FGGY: variants seen among roughly 807,000 people sequenced by gnomAD.
FGGY encodes FGGY carbohydrate kinase domain containing.
In FGGY, 72 loss-of-function variants were observed where a neutral mutation model predicts 71.3. The observed-to-expected ratio is 1.01, with a 90% CI of 0.84 to 1.23. The LOEUF (loss-of-function observed/expected upper bound fraction) is 1.23. Among genes scored for constraint, FGGY ranks in the 50% most tolerant of loss-of-function variants. FGGY has a pLI of 0.00. For missense variants in FGGY, 668 were observed against 682.3 expected, an observed-to-expected ratio of 0.98 and a Z score of 0.23; for synonymous variants, 251 against 250.3, an observed-to-expected ratio of 1.00 and a Z score of -0.02.
At chr1:59,743,056 C>G (rs1290968466) in intron 14 of FGGY, among the ~76,000 whole-genome samples, 4 of 152,312 alleles carry the variant, frequency 2.6e-5, no homozygotes, top group East Asian at 3.9e-4. Flanking sequence ...AACCTTTTAA[C>G]ATGATTTACA....
Position 59,518,295 on chromosome 1 carries a change from A to G in FGGY, c.799+5856A>G, listed in dbSNP as rs188648802. On this transcript the variant is annotated intron_variant, in intron 7 of 15. Coordinates refer to ENST00000303721, the MANE Select transcript of FGGY (RefSeq NM_018291.5). Reference sequence around the variant, plus strand: ...GCCAATAACATTTCTCACCATTATCAGTGTTCTAGAAGACAGGATAAAGGC... The same window carrying G: ...GCCAATAACATTTCTCACCATTATCGGTGTTCTAGAAGACAGGATAAAGGC... 1.7e-3 allele frequency among the ~76,000 whole-genome samples: 258 copies of G among 152,358 alleles called. 4 individuals are homozygous for G. The highest frequency in any genetic ancestry group is 6.0e-3 in the African/African-American group (250 of 41,578).
At chr1:59,732,360 C>A (rs968110258) in intron 14 of FGGY, among the ~76,000 whole-genome samples, 1 of 152,198 alleles carries the variant, frequency 6.6e-6, no homozygotes, top group Non-Finnish European at 1.5e-5. Flanking sequence ...TTACCACCCC[C>A]CTTCCTATTT....
At chr1:59,758,392 C>G (rs1411957334) in intron 15 of FGGY, among the ~76,000 whole-genome samples, 1 of 152,194 alleles carries the variant, frequency 6.6e-6, no homozygotes, top group Non-Finnish European at 1.5e-5. Flanking sequence ...AATCCCAATT[C>G]AACAAAATAT....
intron 2 of FGGY, among the ~76,000 whole-genome samples, chr1:59,339,374 G>A (rs1308842132): frequency 6.6e-6 from 1 of 151,722 alleles, no homozygotes; most frequent in East Asian, 1.9e-4. Flanking sequence ...ATTGGAGGTG[G>A]GAATCTTCTC....
At chr1:59,565,353 C>T (rs989095090) in intron 8 of FGGY, among the ~76,000 whole-genome samples, 3 of 152,050 alleles carry the variant, frequency 2.0e-5, no homozygotes, top group South Asian at 2.1e-4. Flanking sequence ...TGCGCCATCT[C>T]GGCTCACTGC....
At chr1:59,382,221 G>A (rs2059550298) in intron 5 of FGGY, among the ~76,000 whole-genome samples, 2 of 152,086 alleles carry the variant, frequency 1.3e-5, no homozygotes, top group African/African-American at 2.4e-5. Flanking sequence ...CAAGGGAAGC[G>A]GGAAATAGCA....
chr1:59,649,790 G>T (rs1343626170), intron 11 of FGGY, among the ~76,000 whole-genome samples: 1 of 142,524 alleles, frequency 7.0e-6, no homozygotes, highest in Non-Finnish European at 1.5e-5. Context: ...ACACTGTGTT[G>T]AATAGGAGTG....
intron 14 of FGGY, among the ~76,000 whole-genome samples, chr1:59,709,423 A>T (rs1158942746): frequency 2.0e-5 from 3 of 151,344 alleles, no homozygotes; most frequent in Non-Finnish European, 4.4e-5. Flanking sequence ...TGGGGATTAC[A>T]ATTTGAGATG....
intron 2 of FGGY, among the ~76,000 whole-genome samples, chr1:59,336,436 G>C (rs1472948169): frequency 6.7e-6 from 1 of 148,806 alleles, no homozygotes; most frequent in Non-Finnish European, 1.5e-5. Context: ...AATTTTGTCA[G>C]TTTCTACAAA....
intron 12 of FGGY, among the ~76,000 whole-genome samples, chr1:59,663,427 T>C (rs1409015483): frequency 6.6e-6 from 1 of 152,198 alleles, no homozygotes; most frequent in Non-Finnish European, 1.5e-5. Flanking sequence ...GCCAGGATTG[T>C]CTCACAGAGG....
At chr1:59,428,651 T>C (rs1416788) in intron 5 of FGGY, among the ~76,000 whole-genome samples, 95,919 of 152,082 alleles carry the variant, frequency 0.63, 30,390 homozygotes, top group African/African-American at 0.68. Flanking sequence ...GAAATGGGGC[T>C]ATAGCTTTTA....
chr1:59,685,575 T>A (rs1012033780), intron 14 of FGGY, among the ~76,000 whole-genome samples: 1 of 152,174 alleles, frequency 6.6e-6, no homozygotes. Flanking sequence ...ACAAGGTGAT[T>A]TGATTCTGTA....
intron 8 of FGGY, among the ~76,000 whole-genome samples, chr1:59,595,534 C>CA (rs1474923374): frequency 9.9e-5 from 15 of 151,892 alleles, no homozygotes; most frequent in Non-Finnish European, 1.5e-4. Context: ...ACTGAAAATA[C>CA]AAAAAATTAG....
At chr1:59,369,304 T>A (rs2057152575) in intron 4 of FGGY, among the ~76,000 whole-genome samples, 1 of 152,170 alleles carries the variant, frequency 6.6e-6, no homozygotes, top group Non-Finnish European at 1.5e-5. Context: ...GGAGTCTCGC[T>A]GATTGCTAGC....
At chr1:59,746,296 G>A (rs1017381983) in intron 14 of FGGY, among the ~76,000 whole-genome samples, 3 of 152,168 alleles carry the variant, frequency 2.0e-5, no homozygotes, top group African/African-American at 7.2e-5. Flanking sequence ...AAATGATAAT[G>A]AGGAGGCCTG....
At chr1:59,341,157 T>C (rs928636501) in intron 3 of FGGY, among the ~76,000 whole-genome samples, 1 of 152,186 alleles carries the variant, frequency 6.6e-6, no homozygotes, top group Non-Finnish European at 1.5e-5. Flanking sequence ...CTGTGACACC[T>C]TGGGCAAGCC....
intron 8 of FGGY, among the ~76,000 whole-genome samples, chr1:59,556,397 C>G (rs1026582131): frequency 1.2e-4 from 18 of 152,154 alleles, no homozygotes; most frequent in African/African-American, 4.3e-4. Context: ...CTTTCCCTAC[C>G]CATTTAATGT....
chr1:59,494,763 A>G (rs1055774048), intron 6 of FGGY, among the ~76,000 whole-genome samples: 1 of 152,196 alleles, frequency 6.6e-6, no homozygotes, highest in Non-Finnish European at 1.5e-5. Context: ...ATAGCAGCAT[A>G]TTCCACAGTG....
At chr1:59,712,107 A>G (rs970976169) in intron 14 of FGGY, among the ~76,000 whole-genome samples, 25 of 152,318 alleles carry the variant, frequency 1.6e-4, no homozygotes, top group African/African-American at 5.8e-4. Context: ...AAATACAGCC[A>G]TTCCAAATGG....
Sources: gnomAD v4.1 joint callset for allele counts (sites outside exome capture counted in the v4.1 genomes callset) on GRCh38, gnomAD v4.1.1 for gene constraint, MANE v1.5 for transcripts, NCBI Gene and HGNC (gene_info 2026-07-23, HGNC 2026-07-21) for gene names.